Variants in PRSS56 observed in about 807,000 individuals in gnomAD.
The protein encoded by PRSS56 is protease, serine 56.
A neutral mutation model predicts 66.8 loss-of-function variants in PRSS56; 55 were observed. That is an observed-to-expected ratio of 0.82 (90% confidence interval 0.66 to 1.03). The LOEUF (loss-of-function observed/expected upper bound fraction) is 1.03. PRSS56 is among the 50% of genes least tolerant of loss of function. The probability of loss-of-function intolerance (pLI) is 0.00; values close to 1 mark genes in which losing one functional copy is unlikely to be tolerated. For synonymous variants in PRSS56, 409 were observed against 387.9 expected, an observed-to-expected ratio of 1.05 and a Z score of -0.64; for missense variants, 869 against 837.2, an observed-to-expected ratio of 1.04 and a Z score of -0.47.
Position 232,520,702 on chromosome 2 carries a change from C to T in PRSS56, c.97+7C>T, listed in dbSNP as rs776065938. ...CCCCCCAGCGCCCTGCAAGGTAAGTCCAGGCTGGCCCGAGAGCCGCGGGGT... is the reference window on the plus strand; with the variant it reads ...CCCCCCAGCGCCCTGCAAGGTAAGTTCAGGCTGGCCCGAGAGCCGCGGGGT... On this transcript the variant is annotated splice_region_variant and intron_variant, in intron 1 of 12. Transcript: ENST00000617714. 7 of 1,515,256 alleles carry T rather than the reference C, an allele frequency of 4.6e-6. No individual in the cohort carries two copies. The highest frequency in any genetic ancestry group is 2.5e-5 in the East Asian group (1 of 40,462). The allele number at this position is 1,515,256 out of a possible 1,614,324, so 93.9% of individuals were successfully genotyped here.
In PRSS56 at chr2:232,522,026, C is replaced by G. The variant is rs1441950442; in HGVS notation, c.312C>G (p.Arg104=). 1 of 1,460,072 alleles carries G rather than the reference C, an allele frequency of 6.8e-7. No homozygotes were observed. Among genetic ancestry groups the G allele is most frequent in the East Asian group, 2.6e-5 (1 of 38,786 alleles). 90.4% of individuals were successfully genotyped at this position (1,460,072 alleles called of 1,614,324 possible). Residue 104 remains arginine, a synonymous_variant, in exon 4 of 13, where the codon CGC becomes CGG. Coordinates refer to ENST00000617714, the MANE Select transcript of PRSS56 (RefSeq NM_001195129.2). ...STANVTRAHG[R]IVGGSAAPPG... is the part of the protein sequence containing the mutation. ...CCAATGTGACGCGGGCCCACGGCCGCATCGTGGGGGGCAGCGCGGCGCCGC... is the reference window on the plus strand; with the variant it reads ...CCAATGTGACGCGGGCCCACGGCCGGATCGTGGGGGGCAGCGCGGCGCCGC...
At chr2:232,524,691 C>G in intron 11 of PRSS56, 47 bp from the exon 12 acceptor site, 1 of 1,380,334 alleles carries the variant, frequency 7.2e-7, no homozygotes. Context: ...CCCCCAGTTC[C>G]ATACCGCAAC....
chr2:232,523,989 G>A (rs1000014767), intron 9 of PRSS56, 44 bp downstream of exon 9: 26 of 1,523,840 alleles, frequency 1.7e-5, no homozygotes, highest in Non-Finnish European at 1.7e-5. Context: ...CAGAGGGGAG[G>A]GGGCCTGGCC....
rs61744404 is a variant in PRSS56, at chr2:232,525,489, C to A, written c.1795C>A (p.Pro599Thr). ...GHHPLNPQVPPARQP is the reference protein window; with the variant it reads ...GHHPLNPQVPTARQP ...CCACCCACTCAACCCTCAGGTACCC[C>A]CCGCCAGGCAACCCTGAGCCATGTC... is the stretch of plus-strand genomic sequence containing the variant. The change falls in exon 13 of 13, where the codon CCC becomes ACC. Residue 599 changes from proline to threonine, a missense_variant. By Grantham distance (38) the Pro-to-Thr change is conservative (BLOSUM62 -1). Around this residue, in one of 3 missense-constraint regions of PRSS56, gnomAD observed 551 missense variants for 506.9 expected, o/e 1.09. Coordinates refer to ENST00000617714, the MANE Select transcript of PRSS56 (RefSeq NM_001195129.2). The A allele has an allele frequency of 1.4e-5, 21 of 1,495,066 alleles. No individual in the cohort carries two copies. Among genetic ancestry groups the A allele is most frequent in the Middle Eastern group, 3.9e-4 (2 of 5,140 alleles). 92.6% of individuals were successfully genotyped at this position (1,495,066 alleles called of 1,614,324 possible). A position where few individuals can be genotyped will look rare whatever the true frequency, so the allele number is the denominator to read the frequency against.
chr2:232,520,468 T>G lies in PRSS56; in HGVS notation c.-131T>G. On this transcript the variant is annotated 5_prime_UTR_variant, in exon 1 of 13. Transcript: ENST00000617714. ...GATGTAAGAGAACGGGGTCAGATGA[T>G]TTGAGGGACAAGAATTCAGTGCCCG... is the stretch of plus-strand genomic sequence containing the variant. The G allele has an allele frequency of 1.3e-6, 1 of 743,850 alleles. No homozygotes were observed. The highest frequency in any genetic ancestry group is 1.5e-5 in the South Asian group (1 of 65,980). The allele number at this position is 743,850 out of a possible 1,614,324, so 46.1% of individuals were successfully genotyped here. A position where few individuals can be genotyped will look rare whatever the true frequency, so the allele number is the denominator to read the frequency against.
At position 232,521,346 on chromosome 2, in the gene PRSS56, G is replaced by A. The variant is rs959302495; in HGVS notation, c.123G>A (p.Ala41=). 1.0e-4 allele frequency: 153 copies of A among 1,536,030 alleles called. No homozygotes were observed. The highest frequency in any genetic ancestry group is 9.8e-4 in the Admixed American group (50 of 50,986). Residue 41 remains alanine (A), a synonymous_variant, in exon 2 of 13, where the codon GCG becomes GCA. Coordinates refer to ENST00000617714, the MANE Select transcript of PRSS56 (RefSeq NM_001195129.2). ...TTCTGTCGGCCCAGGGGACTCAGGC[G>A]TTGCAGGCAGCCCAGAGGAGCGCCC... ...LQVLSAQGTQ[A]LQAAQRSAQW...
Position 232,522,503 on chromosome 2 carries a change from C to T in PRSS56, c.447-12C>T. ...TGTCCTTCCTGCGTCTCAGCTGCCG[C>T]TCGACCCGCAGCGCCCCGAATGAGC... On this transcript the variant is annotated splice_polypyrimidine_tract_variant and intron_variant, in intron 4 of 12. Transcript: ENST00000617714. 6.6e-7 allele frequency: 1 copy of T among 1,525,816 alleles called. No homozygotes were observed. The highest frequency in any genetic ancestry group is 8.8e-7 in the Non-Finnish European group (1 of 1,141,114). The allele number at this position is 1,525,816 out of a possible 1,614,324, so 94.5% of individuals were successfully genotyped here.
Position 232,523,876 on chromosome 2 carries a change from T to G in PRSS56, c.1117T>G (p.Cys373Gly). 1 of 1,529,200 alleles carries G rather than the reference T, an allele frequency of 6.5e-7. No homozygotes were observed. Among genetic ancestry groups the G allele is most frequent in the South Asian group, 1.2e-5 (1 of 83,728 alleles). The allele number at this position is 1,529,200 out of a possible 1,614,324, so 94.7% of individuals were successfully genotyped here. The change falls in exon 9 of 13, where the codon TGC becomes GGC. Residue 373 changes from cysteine to glycine, a missense_variant. Cys to Gly is a radical substitution (Grantham distance 159, BLOSUM62 -3). Transcript: ENST00000617714. ...ARLCAFYARLCPGSQGACARL... is the reference protein window; with the variant it reads ...ARLCAFYARLGPGSQGACARL... ...GCTCTGCGCCTTCTATGCCCGCCTG[T>G]GCCCGGGGTCCCAGGGCGCCTGTGC... is the stretch of plus-strand genomic sequence containing the variant.
In PRSS56 at chr2:232,523,911, G is replaced by A; in HGVS notation, c.1152G>A (p.Ala384=). Residue 384 remains alanine, a synonymous_variant, in exon 9 of 13, where the codon GCG becomes GCA. Coordinates refer to ENST00000617714, the MANE Select transcript of PRSS56 (RefSeq NM_001195129.2). ...PGSQGACARL[A]HQQCLQRRRR... is the part of the protein sequence containing the mutation. ...CCCAGGGCGCCTGTGCGCGCCTGGC[G>A]CACCAGCAGTGCCTGCAGCGCCGGC... The A allele has an allele frequency of 6.6e-7, 1 of 1,515,636 alleles. No individual in the cohort carries two copies. Among genetic ancestry groups the A allele is most frequent in the Non-Finnish European group, 8.8e-7 (1 of 1,136,994 alleles). The allele number at this position is 1,515,636 out of a possible 1,614,324, so 93.9% of individuals were successfully genotyped here.
In PRSS56 at chr2:232,522,789, CTGCCCCAGG is replaced by C; in HGVS notation, c.635_643del (p.Leu212_Glu215delinsGln). Reference sequence around the variant, plus strand: ...GGGGGGATCGGCGCGCCCCGTGTGCCTGCCCCAGGAGCCCCAGGAGCCCCCTGCCGGAAC... The same window carrying C: ...GGGGGGATCGGCGCGCCCCGTGTGCCAGCCCCAGGAGCCCCCTGCCGGAAC... On this transcript the variant is annotated inframe_deletion, in exon 6 of 13. Transcript: ENST00000617714. The C allele has an allele frequency of 6.6e-7, 1 of 1,515,858 alleles. No homozygotes were observed. Among genetic ancestry groups the C allele is most frequent in the Non-Finnish European group, 8.8e-7 (1 of 1,133,974 alleles). The allele number at this position is 1,515,858 out of a possible 1,614,324, so 93.9% of individuals were successfully genotyped here. A position where few individuals can be genotyped will look rare whatever the true frequency, so the allele number is the denominator to read the frequency against.
Position 232,524,069 on chromosome 2 carries a change from G to A in PRSS56, c.1217G>A (p.Gly406Asp), listed in dbSNP as rs1464793266. Residue 406 changes from glycine (G) to aspartate (D), a missense_variant, in exon 10 of 13, where the codon GGC becomes GAC. Gly to Asp is a moderately conservative substitution (Grantham distance 94, BLOSUM62 -1). Transcript: ENST00000617714. Reference sequence around the variant, plus strand: ...CGCTCGCTGGCGCACACGCTGCTGGGCCTGCTGCGGAACGCGCAGGAGCTG... The same window carrying A: ...CGCTCGCTGGCGCACACGCTGCTGGACCTGCTGCGGAACGCGCAGGAGCTG... ...ELRSLAHTLL[G>D]LLRNAQELLG... The A allele has an allele frequency of 6.6e-7, 1 of 1,524,282 alleles. No individual in the cohort carries two copies. Among genetic ancestry groups the A allele is most frequent in the Admixed American group, 2.0e-5 (1 of 50,334 alleles). The allele number at this position is 1,524,282 out of a possible 1,614,324, so 94.4% of individuals were successfully genotyped here.
At position 232,525,442 on chromosome 2, in the gene PRSS56, C is replaced by T; in HGVS notation, c.1748C>T (p.Pro583Leu). 1.3e-6 allele frequency: 2 copies of T among 1,530,130 alleles called. No homozygotes were observed. The highest frequency in any genetic ancestry group is 1.7e-6 in the Non-Finnish European group (2 of 1,143,480). The allele number at this position is 1,530,130 out of a possible 1,614,324, so 94.8% of individuals were successfully genotyped here. ...CCCTGGATGGATGTAGGGCAGGGGC[C>T]CGGGCTGGAGAGGAAGGGGCACCAC... Reference protein sequence around the residue: ...EGPWMDVGQGPGLERKGHHPL... With the variant: ...EGPWMDVGQGLGLERKGHHPL... The change falls in exon 13 of 13, where the codon CCC (proline) becomes CTC (leucine). Residue 583 changes from proline to leucine, a missense_variant. By Grantham distance (98) the Pro-to-Leu change is moderately conservative (BLOSUM62 -3). This residue lies in a region of PRSS56 where 551 missense variants were observed against 506.9 expected (regional missense o/e 1.09). Transcript: ENST00000617714.
Position 232,522,527 on chromosome 2 carries a change from G to T in PRSS56, c.459G>T (p.Glu153Asp). Residue 153 changes from glutamate to aspartate, a missense_variant, in exon 5 of 13, where the codon GAG becomes GAT. This residue lies in a region of PRSS56 where 315 missense variants were observed against 313.7 expected (regional missense o/e 1.00). Transcript: ENST00000617714. Reference sequence around the variant, plus strand: ...GCTCGACCCGCAGCGCCCCGAATGAGCTTCTGTGGACTGTGACGCTGGCAG... The same window carrying T: ...GCTCGACCCGCAGCGCCCCGAATGATCTTCTGTGGACTGTGACGCTGGCAG... ...AAHCFVGAPN[E>D]LLWTVTLAEG... 1 of 1,532,538 alleles carries T rather than the reference G, an allele frequency of 6.5e-7. No homozygotes were observed. The highest frequency in any genetic ancestry group is 8.7e-7 in the Non-Finnish European group (1 of 1,145,376). 94.9% of individuals were successfully genotyped at this position (1,532,538 alleles called of 1,614,324 possible). A position where few individuals can be genotyped will look rare whatever the true frequency, so the allele number is the denominator to read the frequency against.
Position 232,525,279 on chromosome 2 carries a change from T to C in PRSS56, c.1585T>C (p.Leu529=). The change falls in exon 13 of 13, where the codon TTG becomes CTG. Residue 529 remains leucine, a synonymous_variant. Transcript: ENST00000617714. ...TTTCAGAGCCTGGGTGCGGGCAGGC[T>C]TGGGGGGCCGGCATGTGGCCTTCAG... ...GLFRAWVRAG[L]GGRHVAFSGL... is the part of the protein sequence containing the mutation. The C allele has an allele frequency of 1.3e-6, 2 of 1,522,306 alleles. No homozygotes were observed. The highest frequency in any genetic ancestry group is 8.8e-7 in the Non-Finnish European group (1 of 1,138,474). 94.3% of individuals were successfully genotyped at this position (1,522,306 alleles called of 1,614,324 possible).
chr2:232,524,228 C>T (rs760423066), intron 10 of PRSS56, 25 bp downstream of exon 10: 9 of 1,534,500 alleles, frequency 5.9e-6, no homozygotes, highest in Non-Finnish European at 7.0e-6. Flanking sequence ...CCAGCCCAGC[C>T]CAGCCCTGGC....
Position 232,521,996 on chromosome 2 carries a change from C to T in PRSS56, c.282C>T (p.Ser94=). Residue 94 remains serine, a synonymous_variant, in exon 4 of 13, where the codon AGC becomes AGT. Coordinates refer to ENST00000617714, the MANE Select transcript of PRSS56 (RefSeq NM_001195129.2). ...GGCCGTGCGGCGAGAGGCGTCCGAGCACTGCCAATGTGACGCGGGCCCACG... is the reference window on the plus strand; with the variant it reads ...GGCCGTGCGGCGAGAGGCGTCCGAGTACTGCCAATGTGACGCGGGCCCACG... The part of the protein sequence containing the change: ...EPGPCGERRP[S]TANVTRAHGR... 6.8e-7 allele frequency: 1 copy of T among 1,460,104 alleles called. No individual in the cohort carries two copies. Among genetic ancestry groups the T allele is most frequent in the Non-Finnish European group, 9.0e-7 (1 of 1,109,704 alleles). 90.4% of individuals were successfully genotyped at this position (1,460,104 alleles called of 1,614,324 possible).
chr2:232,524,369 G>C lies in PRSS56; in HGVS notation c.1414G>C (p.Gly472Arg). The C allele has an allele frequency of 6.5e-7, 1 of 1,535,100 alleles. No homozygotes were observed. The highest frequency in any genetic ancestry group is 8.7e-7 in the Non-Finnish European group (1 of 1,146,564). Residue 472 changes from glycine to arginine, a missense_variant and splice_region_variant, in exon 11 of 13, where the codon GGC becomes CGC. By Grantham distance (125) the Gly-to-Arg change is moderately radical. Transcript: ENST00000617714. ...RRPEPRGEANGCPGLEPLRQK... is the reference protein window; with the variant it reads ...RRPEPRGEANRCPGLEPLRQK... ...GCCGGAGCCGCGCGGAGAAGCCAACGGTAATGACGCCCCCTGCCGACCTTC... is the reference window on the plus strand; with the variant it reads ...GCCGGAGCCGCGCGGAGAAGCCAACCGTAATGACGCCCCCTGCCGACCTTC...
At position 232,523,485 on chromosome 2, in the gene PRSS56, A is replaced by G. The variant is rs1411636925; in HGVS notation, c.919A>G (p.Thr307Ala). The change falls in exon 8 of 13, where the codon ACC (threonine) becomes GCC (alanine). Residue 307 changes from threonine to alanine, a missense_variant. Coordinates refer to ENST00000617714, the MANE Select transcript of PRSS56 (RefSeq NM_001195129.2). ...CCCTAGAGAGGTCCTGTTCGGAGTC[A>G]CCTCCTGGGGGGACGGCTGCGGGGA... ...PRPREVLFGV[T>A]SWGDGCGEPG... 10 of 1,527,728 alleles carry G rather than the reference A, an allele frequency of 6.5e-6. No individual in the cohort carries two copies. The East Asian group carries it at 2.5e-4, about 37-fold the overall frequency. The allele number at this position is 1,527,728 out of a possible 1,614,324, so 94.6% of individuals were successfully genotyped here.
Position 232,520,492 on chromosome 2 carries a change from CG to C in PRSS56, c.-102del. ...ATTTGAGGGACAAGAATTCAGTGCC[CG>C]GGGGCCGAAAGGCAGCAGAAGGCGG... On this transcript the variant is annotated 5_prime_UTR_variant, in exon 1 of 13. Coordinates refer to ENST00000617714, the MANE Select transcript of PRSS56 (RefSeq NM_001195129.2). The C allele has an allele frequency of 1.2e-6, 1 of 865,124 alleles. No homozygotes were observed. The highest frequency in any genetic ancestry group is 1.9e-6 in the Non-Finnish European group (1 of 535,730). 53.6% of individuals were successfully genotyped at this position (865,124 alleles called of 1,614,324 possible).
Sources: allele counts gnomAD v4.1 joint callset, GRCh38; gene constraint gnomAD v4.1.1; regional missense constraint gnomAD v4.1.1; transcripts MANE v1.5; gene names NCBI Gene and HGNC (gene_info 2026-07-23, HGNC 2026-07-21).